MYO6: variants seen among roughly 807,000 people sequenced by gnomAD.
The protein encoded by MYO6 is unconventional myosin-VI.
Under a neutral mutation model 178.7 loss-of-function variants are expected in MYO6, and 74 were observed. The ratio of observed to expected loss-of-function variants is 0.41; its 90% CI spans 0.34 to 0.50. MYO6 has a LOEUF of 0.50. MYO6 is among the 20% of genes least tolerant of loss of function. The pLI is 0.09. For missense variants in MYO6, 1,330 were observed against 1,547.4 expected, an observed-to-expected ratio of 0.86 and a Z score of 2.36; for synonymous variants, 477 against 504.6, an observed-to-expected ratio of 0.95 and a Z score of 0.73.
chr6:75,809,198 G>A lies in MYO6; in HGVS notation c.-47-8303G>A, dbSNP rs546274980. Among the ~76,000 whole-genome samples, 121 of 152,200 alleles carry A rather than the reference G, an allele frequency of 8.0e-4. 1 individual carries two copies. Among genetic ancestry groups the A allele is most frequent in the Non-Finnish European group, 1.6e-3 (111 of 68,028 alleles). ...TGTTTAGGAATAAAATGGGAGGCAG[G>A]CCTGCCTGACATAGTCCCCAGCTTG... On this transcript the variant is annotated intron_variant, in intron 1 of 34. Coordinates refer to ENST00000369977, the MANE Select transcript of MYO6 (RefSeq NM_004999.4).
chr6:75,759,711 T>A (rs547717839), intron 1 of MYO6, among the ~76,000 whole-genome samples: 23 of 152,114 alleles, frequency 1.5e-4, no homozygotes, highest in Admixed American at 4.6e-4. Flanking sequence ...TGGTACATTT[T>A]AAAAAAAACT....
In MYO6 at chr6:75,840,622, T is replaced by A; in HGVS notation, c.591T>A (p.Thr197=). Residue 197 remains threonine (T), a synonymous_variant, in exon 8 of 35, where the codon ACT becomes ACA. Transcript: ENST00000369977. The part of the protein sequence containing the change: ...PLLEAFGNAK[T]VRNNNSSRFG... ...TAGAAGCCTTTGGAAATGCGAAGAC[T>A]GTTCGCAACAATAATAGCAGTCGAT... The A allele has an allele frequency of 6.2e-7, 1 of 1,614,098 alleles. No individual in the cohort carries two copies. The highest frequency in any genetic ancestry group is 8.5e-7 in the Non-Finnish European group (1 of 1,179,968).
chr6:75,778,918 A>G (rs546832789), intron 1 of MYO6, among the ~76,000 whole-genome samples: 70 of 151,936 alleles, frequency 4.6e-4, no homozygotes, highest in Middle Eastern at 3.4e-3. Flanking sequence ...TCAGCTGGGT[A>G]TGGTGGTGCA....
At chr6:75,901,243 T>C (rs938622452) in intron 30 of MYO6, among the ~76,000 whole-genome samples, 1 of 152,088 alleles carries the variant, frequency 6.6e-6, no homozygotes, top group Non-Finnish European at 1.5e-5. Flanking sequence ...ATATGAACTT[T>C]AAAGTAGTTT....
At chr6:75,904,662 C>G (rs1425788384) in intron 30 of MYO6, among the ~76,000 whole-genome samples, 1 of 151,992 alleles carries the variant, frequency 6.6e-6, no homozygotes, top group Non-Finnish European at 1.5e-5. Context: ...ACTTCTTTGC[C>G]TTTGGTTTGA....
At chr6:75,859,263 C>CTT (rs1377091789) in intron 14 of MYO6, among the ~76,000 whole-genome samples, 3 of 151,678 alleles carry the variant, frequency 2.0e-5, no homozygotes, top group Admixed American at 6.6e-5. Flanking sequence ...TTTTAATGGA[C>CTT]TTGAAGCTCT....
intron 2 of MYO6, among the ~76,000 whole-genome samples, chr6:75,821,640 A>ACACAAAC (rs1562207212): frequency 1.8e-5 from 2 of 109,306 alleles, no homozygotes; most frequent in African/African-American, 3.0e-5. Flanking sequence ...CACACACACA[A>ACACAAAC]ACACACACAC....
At chr6:75,828,475 A>T in intron 3 of MYO6, 65 bp from the exon 4 acceptor site, 1 of 956,262 alleles carries the variant, frequency 1.0e-6, no homozygotes, top group Non-Finnish European at 1.7e-6. Context: ...TCAGATTAAG[A>T]TAGTATTGCT....
Position 75,873,171 on chromosome 6 carries a change from TA to T in MYO6, c.1984-35del, listed in dbSNP as rs779279136. Reference sequence around the variant, plus strand: ...TAGAAACAGAAAACTAAGAATGCTATATGTATTGTAACAAAAAGTACCTTTA... The same window carrying T: ...TAGAAACAGAAAACTAAGAATGCTATTGTATTGTAACAAAAAGTACCTTTA... On this transcript the variant is annotated intron_variant, in intron 19 of 34. Coordinates refer to ENST00000369977, the MANE Select transcript of MYO6 (RefSeq NM_004999.4). 93 of 1,495,950 alleles carry T rather than the reference TA, an allele frequency of 6.2e-5. No individual in the cohort carries two copies. The Middle Eastern group carries it at 2.1e-3, about 33-fold the overall frequency. The allele number at this position is 1,495,950 out of a possible 1,614,324, so 92.7% of individuals were successfully genotyped here. A position where few individuals can be genotyped will look rare whatever the true frequency, so the allele number is the denominator to read the frequency against.
intron 1 of MYO6, among the ~76,000 whole-genome samples, chr6:75,803,373 C>T (rs528922716): frequency 1.3e-5 from 2 of 151,928 alleles, no homozygotes; most frequent in South Asian, 2.1e-4. Context: ...TGATAGCAGA[C>T]TTAGCTTTAA....
chr6:75,867,661 C>T (rs1776809908), intron 18 of MYO6: 1 of 152,676 alleles, frequency 6.5e-6, no homozygotes, highest in Non-Finnish European at 1.5e-5. Context: ...GTGCATATTA[C>T]ACTAAAATTT....
At chr6:75,843,160 C>A (rs1562237665) in intron 9 of MYO6, among the ~76,000 whole-genome samples, 1 of 152,152 alleles carries the variant, frequency 6.6e-6, no homozygotes, top group Admixed American at 6.5e-5. Flanking sequence ...TCAGGTTTTT[C>A]TGTAGTTTAG....
At chr6:75,773,740 G>A (rs1368674455) in intron 1 of MYO6, among the ~76,000 whole-genome samples, 1 of 152,192 alleles carries the variant, frequency 6.6e-6, no homozygotes, top group Non-Finnish European at 1.5e-5. Flanking sequence ...GAGGAAAGAT[G>A]TGAGAAAGAG....
At chr6:75,879,990 CTTGTCTTTTCTA>C (rs781041417) in intron 21 of MYO6, 40 bp downstream of exon 21, 4 of 1,613,366 alleles carry the variant, frequency 2.5e-6, no homozygotes, top group Non-Finnish European at 2.5e-6. Context: ...TAGCTATGAA[CTTGTCTTTTCTA>C]TTAATAATTG....
chr6:75,887,016 G>A (rs1562286500), intron 25 of MYO6, 22 bp downstream of exon 25: 2 of 1,596,478 alleles, frequency 1.3e-6, no homozygotes, highest in South Asian at 1.1e-5. Context: ...CAACCCGAAT[G>A]ACTTTGACTT....
intron 6 of MYO6, among the ~76,000 whole-genome samples, chr6:75,833,954 C>T (rs926815953): frequency 3.3e-5 from 5 of 152,202 alleles, no homozygotes; most frequent in African/African-American, 9.6e-5. Context: ...TACTGAAAGC[C>T]AGCTCTGACA....
intron 1 of MYO6, among the ~76,000 whole-genome samples, chr6:75,762,972 T>G (rs1476667932): frequency 6.6e-6 from 1 of 152,020 alleles, no homozygotes; most frequent in East Asian, 1.9e-4. Flanking sequence ...TCCTCCTGCC[T>G]TGGCCTCCCA....
chr6:75,833,537 C>G (rs1399980046), intron 6 of MYO6, among the ~76,000 whole-genome samples: 1 of 152,180 alleles, frequency 6.6e-6, no homozygotes, highest in Non-Finnish European at 1.5e-5. Context: ...TTAGCTATTT[C>G]TCATGTAAGT....
At chr6:75,852,915 G>A (rs1775404976) in intron 11 of MYO6, among the ~76,000 whole-genome samples, 1 of 152,196 alleles carries the variant, frequency 6.6e-6, no homozygotes, top group Admixed American at 6.5e-5. Flanking sequence ...TTGAGGAACT[G>A]TCAGACTTTT....
Sources: gnomAD v4.1 joint callset for allele counts (sites outside exome capture counted in the v4.1 genomes callset) on GRCh38, gnomAD v4.1.1 for gene constraint, MANE v1.5 for transcripts, NCBI Gene and HGNC (gene_info 2026-07-23, HGNC 2026-07-21) for gene names.